The following IREB2 variants were observed in gnomAD, a reference collection of about 807,000 sequenced individuals.
IREB2 encodes the protein iron-responsive element-binding protein 2.
In IREB2, 39 loss-of-function variants were observed where a neutral mutation model predicts 118.8. The ratio of observed to expected loss-of-function variants is 0.33; its 90% CI spans 0.25 to 0.43. IREB2 has a LOEUF of 0.43. IREB2 is among the 20% of genes least tolerant of loss of function. The pLI, the probability that IREB2 is intolerant of heterozygous loss-of-function variation, is 1.00. For missense variants in IREB2, 900 were observed against 1,147.3 expected, an observed-to-expected ratio of 0.78 and a Z score of 3.11; for synonymous variants, 372 against 392.2, an observed-to-expected ratio of 0.95 and a Z score of 0.61.
At chr15:78,454,650 T>A (rs748885102) in intron 2 of IREB2, among the ~76,000 whole-genome samples, 1 of 152,210 alleles carries the variant, frequency 6.6e-6, no homozygotes, top group Non-Finnish European at 1.5e-5. Flanking sequence ...TTGGAAAGGA[T>A]GAATTATAAG....
chr15:78,497,072 C>G (rs2051847931), intron 20 of IREB2, 54 bp from the exon 21 acceptor site: 4 of 1,432,198 alleles, frequency 2.8e-6, no homozygotes, highest in Non-Finnish European at 3.9e-6. Context: ...TTTAAATGCT[C>G]AATAAATAAC....
At chr15:78,463,511 T>C (rs980339185) in intron 3 of IREB2, among the ~76,000 whole-genome samples, 2 of 152,070 alleles carry the variant, frequency 1.3e-5, no homozygotes, top group Non-Finnish European at 2.9e-5. Context: ...TTTTGTTTTG[T>C]TTTTGTTTGT....
chr15:78,493,905 G>C lies in IREB2; in HGVS notation c.2325-4G>C. The C allele has an allele frequency of 6.2e-7, 1 of 1,609,440 alleles. No homozygotes were observed. The highest frequency in any genetic ancestry group is 8.5e-7 in the Non-Finnish European group (1 of 1,178,070). On this transcript the variant is annotated splice_polypyrimidine_tract_variant and splice_region_variant and intron_variant, in intron 18 of 21. Coordinates refer to ENST00000258886, the MANE Select transcript of IREB2 (RefSeq NM_004136.4). ...GAAAACTGACTTTCATTACTTTCTT[G>C]TAGCCTTACCCCTCGTGAATTCAAC...
chr15:78,460,907 CAG>C (rs1343997095), intron 2 of IREB2, among the ~76,000 whole-genome samples: 2 of 152,020 alleles, frequency 1.3e-5, no homozygotes, highest in African/African-American at 4.8e-5. Context: ...AAATGAGGAA[CAG>C]AGTCATCCAC....
At chr15:78,489,923 C>T (rs2051720830) in intron 16 of IREB2, among the ~76,000 whole-genome samples, 1 of 152,176 alleles carries the variant, frequency 6.6e-6, no homozygotes, top group Admixed American at 6.5e-5. Flanking sequence ...AACAGCATAC[C>T]TCATACATGC....
intron 2 of IREB2, among the ~76,000 whole-genome samples, chr15:78,451,289 T>C (rs979623792): frequency 6.6e-6 from 1 of 152,104 alleles, no homozygotes; most frequent in African/African-American, 2.4e-5. Flanking sequence ...GAGAAACTTT[T>C]TGCCAAATGT....
chr15:78,452,732 C>T (rs535566033), intron 2 of IREB2, among the ~76,000 whole-genome samples: 1 of 151,898 alleles, frequency 6.6e-6, no homozygotes, highest in Admixed American at 6.6e-5. Context: ...CATAGTGAGA[C>T]CCCCATTTCA....
intron 2 of IREB2, among the ~76,000 whole-genome samples, chr15:78,455,412 G>A (rs1226612505): frequency 6.6e-6 from 1 of 152,018 alleles, no homozygotes; most frequent in Non-Finnish European, 1.5e-5. Context: ...TTGAAAGTGG[G>A]GACGTAGAAT....
At position 78,501,082 on chromosome 15, in the gene IREB2, A is replaced by G. The variant is rs150719722; in HGVS notation, c.*2939A>G. 1.3e-5 allele frequency: 2 copies of G among 152,330 alleles called. No individual in the cohort carries two copies. The highest frequency in any genetic ancestry group is 2.9e-5 in the Non-Finnish European group (2 of 68,024). 9.4% of individuals were successfully genotyped at this position (152,330 alleles called of 1,614,324 possible). On this transcript the variant is annotated 3_prime_UTR_variant, in exon 22 of 22. Transcript: ENST00000258886. ...TTTAGGTTTAGGAGGAGATACTAAGATACTGGATGTTTATCCTATCTTAGT... is the reference window on the plus strand; with the variant it reads ...TTTAGGTTTAGGAGGAGATACTAAGGTACTGGATGTTTATCCTATCTTAGT...
intron 6 of IREB2, 111 bp downstream of exon 6, chr15:78,470,712 T>TA (rs1423850926): frequency 4.8e-5 from 24 of 498,286 alleles, no homozygotes; most frequent in African/African-American, 3.2e-4. Flanking sequence ...TTTTTTTTTT[T>TA]AAGACAGAAT....
At chr15:78,447,517 G>A (rs1567162532) in intron 2 of IREB2, among the ~76,000 whole-genome samples, 1 of 152,006 alleles carries the variant, frequency 6.6e-6, no homozygotes, top group African/African-American at 2.4e-5. Flanking sequence ...TTTTAGTAGA[G>A]ATGGCATTTC....
intron 5 of IREB2, among the ~76,000 whole-genome samples, chr15:78,468,344 A>C (rs2051319699): frequency 1.3e-5 from 2 of 151,986 alleles, no homozygotes; most frequent in African/African-American, 4.8e-5. Flanking sequence ...CCTAGGCTTA[A>C]ATGATCCTCC....
chr15:78,445,917 T>C (rs563396084), intron 2 of IREB2, among the ~76,000 whole-genome samples: 1 of 152,290 alleles, frequency 6.6e-6, no homozygotes, highest in East Asian at 1.9e-4. Flanking sequence ...CCCAAGTAGT[T>C]GGGACTACAA....
intron 10 of IREB2, among the ~76,000 whole-genome samples, chr15:78,482,883 G>A (rs1198345064): frequency 6.6e-6 from 1 of 152,018 alleles, no homozygotes; most frequent in Non-Finnish European, 1.5e-5. Flanking sequence ...GAGTAGCTGG[G>A]ACTACAGGCG....
At chr15:78,441,222 G>A (rs1272189949) in intron 2 of IREB2, among the ~76,000 whole-genome samples, 1 of 152,018 alleles carries the variant, frequency 6.6e-6, no homozygotes, top group Non-Finnish European at 1.5e-5. Flanking sequence ...TTAGAATTAG[G>A]CTGTCATTTA....
In IREB2 at chr15:78,440,347, T is replaced by A. The variant is rs540737292; in HGVS notation, c.106+466T>A. Reference sequence around the variant, plus strand: ...GATAATTCTACACCAATTAAATGTATATTTTATTTTCTCTTTTCTTTTCTT... The same window carrying A: ...GATAATTCTACACCAATTAAATGTAAATTTTATTTTCTCTTTTCTTTTCTT... On this transcript the variant is annotated intron_variant, in intron 2 of 21. Coordinates refer to ENST00000258886, the MANE Select transcript of IREB2 (RefSeq NM_004136.4). 4.0e-5 allele frequency among the ~76,000 whole-genome samples: 6 copies of A among 149,076 alleles called. No individual in the cohort carries two copies. The South Asian group carries it at 1.3e-3, about 32-fold the overall frequency.
chr15:78,468,835 A>G (rs2051328236), intron 5 of IREB2, among the ~76,000 whole-genome samples: 1 of 152,144 alleles, frequency 6.6e-6, no homozygotes, highest in African/African-American at 2.4e-5. Context: ...AGTTTTATGA[A>G]GTCACTTTCT....
rs1041709628 is a variant in IREB2, at chr15:78,454,834, C to A, written c.107-8088C>A. On this transcript the variant is annotated intron_variant, in intron 2 of 21. Transcript: ENST00000258886. The stretch of plus-strand genomic sequence containing the variant: ...TCAGCCTCGTTAGTAGTTAGGATCA[C>A]AGGTGCACACCACTGTGCCTGATGA... Among the ~76,000 whole-genome samples the A allele has an allele frequency of 2.0e-5, 3 of 152,308 alleles. No individual in the cohort carries two copies. The East Asian group carries it at 5.8e-4, about 29-fold the overall frequency.
chr15:78,447,281 A>T (rs1304406992), intron 2 of IREB2, among the ~76,000 whole-genome samples: 1 of 150,636 alleles, frequency 6.6e-6, no homozygotes, highest in Non-Finnish European at 1.5e-5. Flanking sequence ...GACTCAGGCA[A>T]TCCTCCCATC....
Sources: gnomAD v4.1 joint callset for allele counts (sites outside exome capture counted in the v4.1 genomes callset) on GRCh38, gnomAD v4.1.1 for gene constraint, MANE v1.5 for transcripts, NCBI Gene and HGNC (gene_info 2026-07-23, HGNC 2026-07-21) for gene names.